Variants in ARHGAP26 observed in about 807,000 individuals in gnomAD.
ARHGAP26 encodes rho GTPase-activating protein 26.
Under a neutral mutation model 104.8 loss-of-function variants are expected in ARHGAP26, and 38 were observed. The observed-to-expected ratio is 0.36, with a 90% CI of 0.28 to 0.48. The LOEUF (loss-of-function observed/expected upper bound fraction) is 0.48. ARHGAP26 is among the 20% of genes least tolerant of loss of function. ARHGAP26 has a pLI of 0.99. For synonymous variants in ARHGAP26, 341 were observed against 340.0 expected, an observed-to-expected ratio of 1.00 and a Z score of -0.03; for missense variants, 704 against 947.9, an observed-to-expected ratio of 0.74 and a Z score of 3.38.
rs2151443502 is a variant in ARHGAP26 at position 143,226,466 on chromosome 5, G to A, written c.*4020G>A. 6.1e-6 allele frequency: 1 copy of A among 162,998 alleles called. No individual in the cohort carries two copies. The highest frequency in any genetic ancestry group is 2.4e-3 in the Middle Eastern group (1 of 410). The allele number at this position is 162,998 out of a possible 1,614,324, so 10.1% of individuals were successfully genotyped here. A position where few individuals can be genotyped will look rare whatever the true frequency, so the allele number is the denominator to read the frequency against. Reference sequence around the variant, plus strand: ...CCTGCACTCCAGCCTGGGTGACAGAGCCAGACTCCGTCTCAAAGGAAAAAA... The same window carrying A: ...CCTGCACTCCAGCCTGGGTGACAGAACCAGACTCCGTCTCAAAGGAAAAAA... On this transcript the variant is annotated 3_prime_UTR_variant, in exon 23 of 23. Coordinates refer to ENST00000645722, the MANE Select transcript of ARHGAP26 (RefSeq NM_001135608.3).
At chr5:143,110,747 G>A (rs1007526567) in intron 17 of ARHGAP26, among the ~76,000 whole-genome samples, 6 of 152,206 alleles carry the variant, frequency 3.9e-5, no homozygotes, top group African/African-American at 1.2e-4. Flanking sequence ...AAATAGTTAA[G>A]TAATTTTCCA....
At chr5:143,024,066 C>A (rs1422795327) in intron 12 of ARHGAP26, among the ~76,000 whole-genome samples, 2 of 152,174 alleles carry the variant, frequency 1.3e-5, no homozygotes, top group African/African-American at 4.8e-5. Context: ...GTGCATTGAG[C>A]TTGAATTACA....
At chr5:142,890,136 TAA>T (rs1162535877) in intron 5 of ARHGAP26, among the ~76,000 whole-genome samples, 563 of 29,090 alleles carry the variant, frequency 0.019, 14 homozygotes, top group South Asian at 0.027. Flanking sequence ...AACTCCGTCT[TAA>T]AAAAAAAAAA....
At chr5:143,054,385 T>C in intron 14 of ARHGAP26, 54 bp from the exon 15 acceptor site, 1 of 1,305,388 alleles carries the variant, frequency 7.7e-7, no homozygotes, top group Non-Finnish European at 1.1e-6. Flanking sequence ...TGTGTGCTTA[T>C]TTATTAGTTC....
At chr5:142,839,893 AGGAGGGGAGG>A (rs796676614) in intron 1 of ARHGAP26, among the ~76,000 whole-genome samples, 9 of 58,938 alleles carry the variant, frequency 1.5e-4, no homozygotes, top group African/African-American at 3.3e-4. Flanking sequence ...AGAGAGAGAG[AGGAGGGGAGG>A]GGAGGGGAGG....
Position 143,023,605 on chromosome 5 carries a change from G to A in ARHGAP26, c.1144+9489G>A, listed in dbSNP as rs548678075. On this transcript the variant is annotated intron_variant, in intron 12 of 22. Coordinates refer to ENST00000645722, the MANE Select transcript of ARHGAP26 (RefSeq NM_001135608.3). Reference sequence around the variant, plus strand: ...TGAGAGGCAGGAGGAGGCAGCCACCGGTAACCAGGATCCTTTTGGGATCAG... The same window carrying A: ...TGAGAGGCAGGAGGAGGCAGCCACCAGTAACCAGGATCCTTTTGGGATCAG... Among the ~76,000 whole-genome samples the A allele has an allele frequency of 7.2e-5, 11 of 152,304 alleles. No homozygotes were observed. The East Asian group carries it at 1.5e-3, about 21-fold the overall frequency.
intron 1 of ARHGAP26, among the ~76,000 whole-genome samples, chr5:142,835,174 A>G (rs1387604650): frequency 3.3e-5 from 5 of 152,120 alleles, no homozygotes; most frequent in African/African-American, 4.8e-5. Context: ...TGTTTCTTTC[A>G]TTGTTTGAAA....
intron 11 of ARHGAP26, among the ~76,000 whole-genome samples, chr5:142,934,970 G>A (rs1006370053): frequency 1.3e-5 from 2 of 152,062 alleles, no homozygotes; most frequent in African/African-American, 4.8e-5. Context: ...TCATATCCTA[G>A]TCTAAAGAAA....
intron 1 of ARHGAP26, among the ~76,000 whole-genome samples, chr5:142,796,417 C>G (rs573847613): frequency 6.6e-6 from 1 of 152,180 alleles, no homozygotes. Flanking sequence ...CCTACTAGTT[C>G]TGTAGTTCTG....
intron 12 of ARHGAP26, among the ~76,000 whole-genome samples, chr5:143,034,190 A>C (rs150661836): frequency 1.3e-5 from 2 of 152,210 alleles, no homozygotes. Flanking sequence ...CAGTTTGGCA[A>C]TTCCTCAAAA....
At chr5:143,039,528 A>G (rs1218763761) in intron 13 of ARHGAP26, among the ~76,000 whole-genome samples, 1 of 149,890 alleles carries the variant, frequency 6.7e-6, no homozygotes, top group East Asian at 1.9e-4. Context: ...AGGAGTTTTA[A>G]TTTTTTTTTT....
rs758095252 is a variant in ARHGAP26, at chr5:143,057,750, A to G, written c.1538+3A>G. On this transcript the variant is annotated splice_donor_region_variant and intron_variant, in intron 17 of 22. Coordinates refer to ENST00000645722, the MANE Select transcript of ARHGAP26 (RefSeq NM_001135608.3). ...CTGCTCATGAACCACTTGGCAAAGT[A>G]GGTTTAAGACCAATTACTAGCCTTT... 1.2e-5 allele frequency: 19 copies of G among 1,612,844 alleles called. No individual in the cohort carries two copies. The highest frequency in any genetic ancestry group is 2.2e-5 in the East Asian group (1 of 44,870).
At chr5:143,052,059 GAC>G in intron 14 of ARHGAP26, among the ~76,000 whole-genome samples, 1 of 152,292 alleles carries the variant, frequency 6.6e-6, no homozygotes, top group African/African-American at 2.4e-5. Flanking sequence ...AGATGGCAAA[GAC>G]ACAAATTAAA....
intron 1 of ARHGAP26, among the ~76,000 whole-genome samples, chr5:142,824,755 C>A (rs1766888090): frequency 6.6e-6 from 1 of 152,174 alleles, no homozygotes; most frequent in Non-Finnish European, 1.5e-5. Context: ...AAACACAATG[C>A]ATTGACAATG....
chr5:142,890,152 ATATAT>A (rs1159440152), intron 5 of ARHGAP26, among the ~76,000 whole-genome samples: 98 of 21,938 alleles, frequency 4.5e-3, no homozygotes, highest in African/African-American at 9.4e-3. Context: ...AAAAAAAAAA[ATATAT>A]ATATATATAT....
At chr5:142,955,095 TACACAC>T (rs11419144) in intron 11 of ARHGAP26, among the ~76,000 whole-genome samples, 3 of 52,624 alleles carry the variant, frequency 5.7e-5, no homozygotes, top group Admixed American at 1.8e-4. Flanking sequence ...GAGACCTGTC[TACACAC>T]ACACACACAC....
At chr5:142,988,646 C>A (rs894120464) in intron 11 of ARHGAP26, among the ~76,000 whole-genome samples, 1 of 152,198 alleles carries the variant, frequency 6.6e-6, no homozygotes, top group Non-Finnish European at 1.5e-5. Flanking sequence ...AAGTTTCACT[C>A]TACACACAGC....
chr5:142,951,952 C>T (rs1352336313), intron 11 of ARHGAP26, among the ~76,000 whole-genome samples: 2 of 152,210 alleles, frequency 1.3e-5, no homozygotes, highest in East Asian at 3.9e-4. Context: ...GCCATGTTCC[C>T]TCCAGGGAAG....
intron 1 of ARHGAP26, among the ~76,000 whole-genome samples, chr5:142,857,395 G>A (rs1029290013): frequency 2.0e-5 from 3 of 152,080 alleles, no homozygotes; most frequent in Non-Finnish European, 2.9e-5. Flanking sequence ...CTTGGGGGAG[G>A]GTGGGCCAGC....
Sources: gnomAD v4.1 joint callset for allele counts (sites outside exome capture counted in the v4.1 genomes callset) on GRCh38, gnomAD v4.1.1 for gene constraint, MANE v1.5 for transcripts, NCBI Gene and HGNC (gene_info 2026-07-23, HGNC 2026-07-21) for gene names.